The following ALG14 variants were observed in gnomAD, a reference collection of about 807,000 sequenced individuals.
ALG14 encodes UDP-N-acetylglucosamine transferase subunit ALG14.
In ALG14, 17 loss-of-function variants were observed where a neutral mutation model predicts 22.8. The observed-to-expected ratio is 0.75, with a 90% CI of 0.51 to 1.12. The LOEUF (loss-of-function observed/expected upper bound fraction) is 1.12. Ranked by LOEUF, ALG14 falls within the 50% of genes most tolerant of loss-of-function variation. ALG14 has a pLI of 0.00. For synonymous variants in ALG14, 89 were observed against 103.7 expected (o/e 0.86, Z 0.86); for missense variants, 288 against 271.8 (o/e 1.06, Z -0.42).
chr1:95,064,806 G>C, intron 2 of ALG14, 60 bp downstream of exon 2: 2 of 1,520,602 alleles, frequency 1.3e-6, no homozygotes, highest in Admixed American at 3.6e-5. Context: ...ATTATTACTA[G>C]AGACAATTAA....
rs150177824 is a variant in ALG14, at chr1:94,993,889, C to G, written c.421-10583G>C. 2.1e-3 allele frequency among the ~76,000 whole-genome samples: 326 copies of G among 152,264 alleles called. 5 individuals carry two copies. Among genetic ancestry groups the G allele is most frequent in the Non-Finnish European group, 1.2e-3 (83 of 68,024 alleles). ...GTGCATGTCAGTAGCATCCTACAGA[C>G]CCAACGTGCTACACAGTCTGCACGT... On this transcript the variant is annotated intron_variant, in intron 3 of 3. Transcript: ENST00000370205.
Position 95,052,541 on chromosome 1 carries a change from T to A in ALG14, c.288+12325A>T, listed in dbSNP as rs550430529. Among the ~76,000 whole-genome samples the A allele has an allele frequency of 1.8e-4, 28 of 152,296 alleles. No homozygotes were observed. The South Asian group carries it at 4.6e-3, about 25-fold the overall frequency. Reference sequence around the variant, plus strand: ...TATTATATTTTTTCCTTTAACTAGTTACTCATGTTAACAATTTACGAATAA... The same window carrying A: ...TATTATATTTTTTCCTTTAACTAGTAACTCATGTTAACAATTTACGAATAA... On this transcript the variant is annotated intron_variant, in intron 2 of 3. Transcript: ENST00000370205.
chr1:94,985,857 G>T (rs1046594841), intron 3 of ALG14, among the ~76,000 whole-genome samples: 1 of 151,258 alleles, frequency 6.6e-6, no homozygotes, highest in Non-Finnish European at 1.5e-5. Flanking sequence ...AAAGTCCCTG[G>T]TACAATAAAA....
chr1:95,012,819 T>G (rs994201092), intron 3 of ALG14, among the ~76,000 whole-genome samples: 5 of 152,328 alleles, frequency 3.3e-5, no homozygotes, highest in Non-Finnish European at 7.4e-5. Flanking sequence ...CAAGTCTTTC[T>G]TGTATTTGTC....
chr1:95,021,195 A>C (rs7540821), intron 3 of ALG14, among the ~76,000 whole-genome samples: 35,142 of 152,094 alleles, frequency 0.23, 4,429 homozygotes, highest in African/African-American at 0.33. Context: ...ATCAGGTTTT[A>C]ATAGCTTCTC....
intron 3 of ALG14, among the ~76,000 whole-genome samples, chr1:95,014,162 G>A (rs1017111707): frequency 2.3e-4 from 35 of 152,176 alleles, no homozygotes; most frequent in African/African-American, 8.4e-4. Context: ...CTGTTTGGCT[G>A]TGAAACAGAC....
At chr1:95,006,332 A>T (rs943503906) in intron 3 of ALG14, among the ~76,000 whole-genome samples, 1 of 152,142 alleles carries the variant, frequency 6.6e-6, no homozygotes, top group Non-Finnish European at 1.5e-5. Context: ...TTTTGGAATT[A>T]TATATAGGTA....
intron 2 of ALG14, chr1:95,036,010 C>T (rs983721545): frequency 1.3e-5 from 2 of 152,174 alleles, no homozygotes; most frequent in African/African-American, 4.8e-5. Context: ...TTCAACTAAT[C>T]ATTATGAAAT....
chr1:95,016,170 A>T (rs946707517), intron 3 of ALG14, among the ~76,000 whole-genome samples: 2 of 152,220 alleles, frequency 1.3e-5, no homozygotes, highest in South Asian at 2.1e-4. Context: ...TTCTCTATCC[A>T]TGTAGACAGC....
chr1:94,987,083 C>T (rs982610755), intron 3 of ALG14, among the ~76,000 whole-genome samples: 1 of 152,156 alleles, frequency 6.6e-6, no homozygotes, highest in Non-Finnish European at 1.5e-5. Flanking sequence ...GTGCTATTGA[C>T]ATCCATTTTG....
chr1:95,001,533 T>C (rs1367399660), intron 3 of ALG14, among the ~76,000 whole-genome samples: 3 of 152,214 alleles, frequency 2.0e-5, no homozygotes, highest in Non-Finnish European at 2.9e-5. Flanking sequence ...TCTCACTCTG[T>C]AGTCCAGGCT....
chr1:95,008,280 G>C (rs1484653660), intron 3 of ALG14, among the ~76,000 whole-genome samples: 2 of 152,178 alleles, frequency 1.3e-5, no homozygotes, highest in East Asian at 3.9e-4. Flanking sequence ...GAACAGTGAT[G>C]AATGTGGGTG....
At chr1:95,049,517 A>G (rs759261707) in intron 2 of ALG14, among the ~76,000 whole-genome samples, 7 of 152,134 alleles carry the variant, frequency 4.6e-5, no homozygotes, top group Non-Finnish European at 1.0e-4. Context: ...TCTGGGTGAC[A>G]GAGTGAGACC....
intron 3 of ALG14, among the ~76,000 whole-genome samples, chr1:94,984,246 T>C (rs771231664): frequency 6.6e-6 from 1 of 152,232 alleles, no homozygotes; most frequent in Non-Finnish European, 1.5e-5. Flanking sequence ...CACATATCTA[T>C]TGGGCATGCT....
At chr1:95,052,523 T>C (rs1674781480) in intron 2 of ALG14, among the ~76,000 whole-genome samples, 1 of 152,184 alleles carries the variant, frequency 6.6e-6, no homozygotes, top group Admixed American at 6.5e-5. Flanking sequence ...AGATATTATA[T>C]TTTTTCCTTT....
At chr1:94,995,886 T>C (rs1672897301) in intron 3 of ALG14, among the ~76,000 whole-genome samples, 1 of 152,212 alleles carries the variant, frequency 6.6e-6, no homozygotes, top group Non-Finnish European at 1.5e-5. Flanking sequence ...ATCTCACCCA[T>C]CAGTAACTTA....
At chr1:95,030,935 G>A (rs142289262) in intron 2 of ALG14, among the ~76,000 whole-genome samples, 1 of 152,306 alleles carries the variant, frequency 6.6e-6, no homozygotes, top group African/African-American at 2.4e-5. Flanking sequence ...TCAGGCCTGA[G>A]GGTAAGGCAA....
chr1:94,986,762 C>T (rs1005884912), intron 3 of ALG14, among the ~76,000 whole-genome samples: 4 of 149,954 alleles, frequency 2.7e-5, no homozygotes, highest in Admixed American at 1.3e-4. Context: ...TCAGTCACTG[C>T]GCCTGGCCCT....
chr1:95,021,765 C>T (rs1673670572), intron 3 of ALG14, among the ~76,000 whole-genome samples: 1 of 152,184 alleles, frequency 6.6e-6, no homozygotes, highest in African/African-American at 2.4e-5. Flanking sequence ...TCTATAAGGC[C>T]AGGTCTCTGG....
Sources: gnomAD v4.1 joint callset for allele counts (sites outside exome capture counted in the v4.1 genomes callset) on GRCh38, gnomAD v4.1.1 for gene constraint, MANE v1.5 for transcripts, NCBI Gene and HGNC (gene_info 2026-07-23, HGNC 2026-07-21) for gene names.